The following CLIP1 variants were observed in gnomAD, a reference collection of about 807,000 sequenced individuals.
The protein encoded by CLIP1 is CAP-Gly domain containing linker protein 1, also known as CAP-Gly domain-containing linker protein 1.
CLIP1 carries 66 observed loss-of-function variants against 161.6 expected under a neutral mutation model. That is an observed-to-expected ratio of 0.41 (90% CI 0.33 to 0.50). The LOEUF (loss-of-function observed/expected upper bound fraction) is 0.50, where lower values mean the gene tolerates loss of function less well. CLIP1 is among the 20% of genes least tolerant of loss of function. The pLI is 0.27. For synonymous variants in CLIP1, 598 were observed against 626.2 expected, an observed-to-expected ratio of 0.96 and a Z score of 0.67; for missense variants, 1,376 against 1,702.0, an observed-to-expected ratio of 0.81 and a Z score of 3.37.
rs1442969566 is a variant in CLIP1, at chr12:122,355,452, C to T, written c.1006-140G>A. 4.5e-6 allele frequency: 3 copies of T among 672,142 alleles called. No homozygotes were observed. Among genetic ancestry groups the T allele is most frequent in the Admixed American group, 5.6e-5 (2 of 35,662 alleles). 41.6% of individuals were successfully genotyped at this position (672,142 alleles called of 1,614,324 possible). ...GCAGGCTGGCCAGGATTAGGAAAGG[C>T]TTCCTCAAAAACACAAGACAGTGTG... On this transcript the variant is annotated intron_variant, in intron 5 of 25. Coordinates refer to ENST00000620786, the MANE Select transcript of CLIP1 (RefSeq NM_001247997.2). The surrounding 1 kb of genome is among the most constrained non-coding windows in gnomAD (Gnocchi z 4.1).
chr12:122,416,047 G>A (rs1274824741), intron 1 of CLIP1, among the ~76,000 whole-genome samples: 3 of 151,930 alleles, frequency 2.0e-5, no homozygotes, highest in Non-Finnish European at 4.4e-5. Flanking sequence ...AGACCAGCCT[G>A]GCCAAGATGG....
intron 12 of CLIP1, among the ~76,000 whole-genome samples, chr12:122,335,117 A>G (rs1228921795): frequency 6.6e-6 from 1 of 152,186 alleles, no homozygotes; most frequent in African/African-American, 2.4e-5. Context: ...TCTGAGAGTA[A>G]TCTAATATCT....
intron 3 of CLIP1, among the ~76,000 whole-genome samples, chr12:122,372,148 T>C (rs1954483135): frequency 6.7e-6 from 1 of 150,360 alleles, no homozygotes; most frequent in Non-Finnish European, 1.5e-5. Flanking sequence ...AGTCTGGGTG[T>C]GGTGGCTCAC....
rs75353296 is a variant in CLIP1, at chr12:122,403,244, A to G, written c.-107+19277T>C. On this transcript the variant is annotated intron_variant, in intron 1 of 25. Transcript: ENST00000620786. ...AAAAATAGCACTTACAGTAAGAGGA[A>G]CTTTAAAATATCTATTTGACAGGTG... Among the ~76,000 whole-genome samples the G allele has an allele frequency of 9.8e-3, 1,485 of 152,264 alleles. 24 individuals are homozygous for G. The highest frequency in any genetic ancestry group is 0.034 in the African/African-American group (1,417 of 41,548).
rs1235524916 is a variant in CLIP1 at position 122,333,061 on chromosome 12, T to C, written c.2793A>G (p.Ala931=). The change falls in exon 15 of 26, where the codon GCA becomes GCG. Residue 931 remains alanine, a synonymous_variant. Transcript: ENST00000620786. ...KAKEKLENDI[A]EIMKMSGDNS... Reference sequence around the variant, plus strand: ...TATCTCCTGACATCTTCATTATTTCTGCAATGTCATTTTCCAGTTTTTCCT... The same window carrying C: ...TATCTCCTGACATCTTCATTATTTCCGCAATGTCATTTTCCAGTTTTTCCT... The C allele has an allele frequency of 1.9e-6, 3 of 1,613,574 alleles. No individual in the cohort carries two copies. Among genetic ancestry groups the C allele is most frequent in the African/African-American group, 1.3e-5 (1 of 74,948 alleles).
chr12:122,285,201 C>T (rs942809343), intron 21 of CLIP1, among the ~76,000 whole-genome samples: 32 of 150,914 alleles, frequency 2.1e-4, no homozygotes, highest in African/African-American at 7.6e-4. Context: ...TTATGACGTG[C>T]TACATAAATG....
chr12:122,350,825 A>T (rs888523316), intron 9 of CLIP1, among the ~76,000 whole-genome samples: 21 of 151,896 alleles, frequency 1.4e-4, no homozygotes, highest in African/African-American at 4.4e-4. Context: ...GAAGAAGGCC[A>T]GGTCTCCAGA....
chr12:122,288,982 ATT>A (rs1363620574), intron 20 of CLIP1, among the ~76,000 whole-genome samples: 1 of 150,966 alleles, frequency 6.6e-6, no homozygotes, highest in Admixed American at 6.6e-5. Context: ...CGCCCGGCTA[ATT>A]TTTTGTATTT....
At chr12:122,288,781 T>A (rs1401770819) in intron 20 of CLIP1, among the ~76,000 whole-genome samples, 1 of 148,342 alleles carries the variant, frequency 6.7e-6, no homozygotes, top group Non-Finnish European at 1.5e-5. Context: ...TATTAAACAA[T>A]CACACCTTGA....
At chr12:122,388,393 G>C (rs1366725271) in intron 1 of CLIP1, among the ~76,000 whole-genome samples, 3 of 152,024 alleles carry the variant, frequency 2.0e-5, no homozygotes, top group Non-Finnish European at 4.4e-5. Context: ...CTAATTTTTT[G>C]TATTTTTAGT....
At chr12:122,347,955 G>T (rs1952827708) in intron 9 of CLIP1, among the ~76,000 whole-genome samples, 1 of 152,110 alleles carries the variant, frequency 6.6e-6, no homozygotes, top group Non-Finnish European at 1.5e-5. Flanking sequence ...TATGGCAAAG[G>T]TATTATAAAT....
At chr12:122,390,172 G>GATAGATAT (rs1555280494) in intron 1 of CLIP1, among the ~76,000 whole-genome samples, 3 of 93,536 alleles carry the variant, frequency 3.2e-5, no homozygotes, top group Non-Finnish European at 6.5e-5. Context: ...CACAGTCTCA[G>GATAGATAT]ATATATATAT....
At chr12:122,386,695 G>T (rs925758713) in intron 1 of CLIP1, among the ~76,000 whole-genome samples, 5 of 151,864 alleles carry the variant, frequency 3.3e-5, no homozygotes, top group African/African-American at 1.2e-4. Flanking sequence ...TTGAGTAAAC[G>T]ATTTTTTTAA....
In CLIP1 at chr12:122,328,338, C is replaced by T. The variant is rs753709921; in HGVS notation, c.2956G>A (p.Ala986Thr). 2.5e-6 allele frequency: 4 copies of T among 1,613,988 alleles called. No individual in the cohort carries two copies. Among genetic ancestry groups the T allele is most frequent in the African/African-American group, 1.3e-5 (1 of 74,912 alleles). Residue 986 changes from alanine to threonine, a missense_variant, in exon 16 of 26, where the codon GCT becomes ACT. By Grantham distance (58) the Ala-to-Thr change is moderately conservative. This residue lies in a region of CLIP1 where 948 missense variants were observed against 1,134.8 expected (regional missense o/e 0.84). Coordinates refer to ENST00000620786, the MANE Select transcript of CLIP1 (RefSeq NM_001247997.2). ...GCTGCTTCTTGCTGGCTCTGTTCAG[C>T]TTTGACAGTCATGTCCTCAATACTT... ...QKSIEDMTVK[A>T]EQSQQEAAKK...
At chr12:122,354,835 GGTAAGGCCCTA>G in intron 6 of CLIP1, 1 of 576,660 alleles carries the variant, frequency 1.7e-6, no homozygotes, top group Non-Finnish European at 3.1e-6. Flanking sequence ...ATCAATCATT[GGTAAGGCCCTA>G]GTAACCAAGC....
intron 1 of CLIP1, among the ~76,000 whole-genome samples, chr12:122,380,894 C>T (rs1954981676): frequency 6.6e-6 from 1 of 151,680 alleles, no homozygotes; most frequent in East Asian, 1.9e-4. Flanking sequence ...CCTGTCTCTA[C>T]AAAAATAAAA....
At chr12:122,413,876 A>G (rs1384998765) in intron 1 of CLIP1, among the ~76,000 whole-genome samples, 1 of 128,430 alleles carries the variant, frequency 7.8e-6, no homozygotes, top group Admixed American at 7.2e-5. Context: ...GATTAAAAGA[A>G]AAAAAAAAAA....
At chr12:122,334,140 A>G (rs756451253) in intron 13 of CLIP1, 30 bp from the exon 14 acceptor site, 3 of 1,374,310 alleles carry the variant, frequency 2.2e-6, no homozygotes, top group South Asian at 2.4e-5. Context: ...GAAGTTTAAT[A>G]TGTTTCATAT....
At chr12:122,365,931 C>T (rs919976510) in intron 3 of CLIP1, among the ~76,000 whole-genome samples, 10 of 151,872 alleles carry the variant, frequency 6.6e-5, no homozygotes, top group Admixed American at 2.0e-4. Context: ...ATTGCTTGAG[C>T]CCAAGGGTTT....
Sources: allele counts gnomAD v4.1 joint callset (sites outside exome capture counted in the v4.1 genomes callset), GRCh38; gene constraint gnomAD v4.1.1; regional missense constraint gnomAD v4.1.1; non-coding constraint Gnocchi (gnomAD v3.1); transcripts MANE v1.5; gene names NCBI Gene and HGNC (gene_info 2026-07-23, HGNC 2026-07-21).